Variants in SLC25A21 observed in about 807,000 individuals in gnomAD.
SLC25A21 encodes the protein solute carrier family 25 member 21, also known as mitochondrial 2-oxodicarboxylate carrier.
SLC25A21 carries 47 observed loss-of-function variants against 43.8 expected under a neutral mutation model. The ratio of observed to expected loss-of-function variants is 1.07; its 90% CI spans 0.85 to 1.37. The LOEUF is 1.37. Among genes scored for constraint, SLC25A21 ranks in the 40% most tolerant of loss-of-function variants. The pLI, the probability that SLC25A21 is intolerant of heterozygous loss-of-function variation, is 0.00. For synonymous variants in SLC25A21, 131 were observed against 121.3 expected, an observed-to-expected ratio of 1.08 and a Z score of -0.52; for missense variants, 352 against 350.2, an observed-to-expected ratio of 1.00 and a Z score of -0.04.
chr14:37,113,381 G>C (rs1449334258), intron 1 of SLC25A21, among the ~76,000 whole-genome samples: 1 of 152,114 alleles, frequency 6.6e-6, no homozygotes, highest in African/African-American at 2.4e-5. Context: ...ATAAAATAAA[G>C]AGTGATACAG....
At chr14:36,710,938 C>G (rs1345415183) in intron 7 of SLC25A21, among the ~76,000 whole-genome samples, 1 of 152,116 alleles carries the variant, frequency 6.6e-6, no homozygotes, top group Non-Finnish European at 1.5e-5. Context: ...ACAAAGCTTT[C>G]AACTTTCTTG....
intron 1 of SLC25A21, among the ~76,000 whole-genome samples, chr14:36,882,210 C>T (rs1890752135): frequency 6.6e-6 from 1 of 152,054 alleles, no homozygotes; most frequent in Non-Finnish European, 1.5e-5. Context: ...TGGTAAAACC[C>T]CATCTCTACA....
intron 2 of SLC25A21, among the ~76,000 whole-genome samples, chr14:36,865,136 G>C (rs1357229748): frequency 6.6e-6 from 1 of 150,718 alleles, no homozygotes; most frequent in Non-Finnish European, 1.5e-5. Flanking sequence ...TAAATTAACT[G>C]TTCATTTTAA....
chr14:37,060,422 T>TG (rs1394846056), intron 1 of SLC25A21, among the ~76,000 whole-genome samples: 12 of 140,074 alleles, frequency 8.6e-5, no homozygotes, highest in African/African-American at 1.8e-4. Flanking sequence ...ATAATAATAA[T>TG]AATGATGTAA....
At chr14:37,129,310 A>G (rs183288302) in intron 1 of SLC25A21, among the ~76,000 whole-genome samples, 1 of 152,326 alleles carries the variant, frequency 6.6e-6, no homozygotes, top group Non-Finnish European at 1.5e-5. Context: ...TTTTATGCAC[A>G]GTGGCAGGTC....
intron 1 of SLC25A21, among the ~76,000 whole-genome samples, chr14:36,915,553 C>G (rs1207727164): frequency 6.6e-6 from 1 of 152,096 alleles, no homozygotes; most frequent in Non-Finnish European, 1.5e-5. Context: ...ACCATATGGT[C>G]ATCTGCATAA....
intron 3 of SLC25A21, among the ~76,000 whole-genome samples, chr14:36,808,134 T>C (rs181746620): frequency 1.2e-4 from 18 of 152,304 alleles, no homozygotes; most frequent in Non-Finnish European, 7.3e-5. Flanking sequence ...AAGAATACCA[T>C]ATTTCTGAAG....
chr14:36,709,251 T>C (rs973422854), intron 7 of SLC25A21, among the ~76,000 whole-genome samples: 3 of 152,190 alleles, frequency 2.0e-5, no homozygotes, highest in Non-Finnish European at 4.4e-5. Context: ...ACAGTGCTGT[T>C]GTGTGGGGCC....
At chr14:36,816,378 A>G (rs1475282820) in intron 2 of SLC25A21, among the ~76,000 whole-genome samples, 1 of 152,146 alleles carries the variant, frequency 6.6e-6, no homozygotes, top group Non-Finnish European at 1.5e-5. Context: ...AGACTGGGTG[A>G]GAAATAATGG....
At chr14:36,735,413 T>C (rs1004572441) in intron 3 of SLC25A21, among the ~76,000 whole-genome samples, 1 of 152,190 alleles carries the variant, frequency 6.6e-6, no homozygotes, top group South Asian at 2.1e-4. Context: ...TTAAAATATA[T>C]AAATAGAAGA....
At chr14:36,751,657 TATCAG>T (rs1428075126) in intron 3 of SLC25A21, among the ~76,000 whole-genome samples, 3 of 152,216 alleles carry the variant, frequency 2.0e-5, no homozygotes, top group African/African-American at 7.2e-5. Context: ...TTCACTTATT[TATCAG>T]CAAGTATTTC....
intron 3 of SLC25A21, among the ~76,000 whole-genome samples, chr14:36,753,863 G>C (rs1040955991): frequency 1.3e-5 from 2 of 150,118 alleles, no homozygotes; most frequent in Admixed American, 1.3e-4. Flanking sequence ...TAGATGGCAG[G>C]ATCTCAGAAC....
At chr14:36,884,211 C>T (rs1890849082) in intron 1 of SLC25A21, among the ~76,000 whole-genome samples, 1 of 152,172 alleles carries the variant, frequency 6.6e-6, no homozygotes, top group Non-Finnish European at 1.5e-5. Flanking sequence ...TTTTAAGATA[C>T]TGCATGTAAG....
chr14:36,859,368 A>G (rs1889997121), intron 2 of SLC25A21, among the ~76,000 whole-genome samples: 1 of 152,210 alleles, frequency 6.6e-6, no homozygotes, highest in South Asian at 2.1e-4. Flanking sequence ...GCAAGTAAAA[A>G]TAAGATATTG....
At chr14:36,710,908 G>A (rs903941754) in intron 7 of SLC25A21, among the ~76,000 whole-genome samples, 2 of 152,084 alleles carry the variant, frequency 1.3e-5, no homozygotes, top group African/African-American at 4.8e-5. Context: ...TTCCTTGTGA[G>A]TTCAAAAGTT....
intron 1 of SLC25A21, among the ~76,000 whole-genome samples, chr14:36,986,813 G>A (rs1960157842): frequency 6.6e-6 from 1 of 151,894 alleles, no homozygotes; most frequent in Non-Finnish European, 1.5e-5. Context: ...CTTCCCCCTG[G>A]GTCTTGGAAT....
chr14:36,686,767 T>C (rs1193234819), intron 7 of SLC25A21, among the ~76,000 whole-genome samples: 1 of 152,326 alleles, frequency 6.6e-6, no homozygotes, highest in Middle Eastern at 3.4e-3. Flanking sequence ...GTATACACGT[T>C]GTCCTTCTGG....
intron 1 of SLC25A21, among the ~76,000 whole-genome samples, chr14:36,931,494 G>A (rs1049860612): frequency 6.6e-6 from 1 of 152,152 alleles, no homozygotes; most frequent in African/African-American, 2.4e-5. Flanking sequence ...AAAGAGAAGA[G>A]CAAAATGTGG....
intron 8 of SLC25A21, 69 bp downstream of exon 8, chr14:36,684,675 G>T: frequency 7.1e-7 from 1 of 1,410,248 alleles, no homozygotes; most frequent in Non-Finnish European, 9.5e-7. Context: ...CATCTAAATG[G>T]AAGGACAATA....
Sources: gnomAD v4.1 joint callset for allele counts (sites outside exome capture counted in the v4.1 genomes callset) on GRCh38, gnomAD v4.1.1 for gene constraint, MANE v1.5 for transcripts, NCBI Gene and HGNC (gene_info 2026-07-23, HGNC 2026-07-21) for gene names.